The following ANKAR variants were observed in gnomAD, a reference collection of about 807,000 sequenced individuals.
The protein encoded by ANKAR is ankyrin and armadillo repeat-containing protein.
ANKAR carries 136 observed loss-of-function variants against 146.2 expected under a neutral mutation model. The observed-to-expected ratio is 0.93, with a 90% CI of 0.81 to 1.07. The LOEUF is 1.07. ANKAR is among the 50% of genes least tolerant of loss of function. The probability of loss-of-function intolerance (pLI) is 0.00; values close to 1 mark genes in which losing one functional copy is unlikely to be tolerated. For synonymous variants in ANKAR, 500 were observed against 575.8 expected, an observed-to-expected ratio of 0.87 and a Z score of 1.88; for missense variants, 1,567 against 1,679.9, an observed-to-expected ratio of 0.93 and a Z score of 1.18.
At chr2:189,688,477 T>C (rs916642555) in intron 2 of ANKAR, among the ~76,000 whole-genome samples, 5 of 152,194 alleles carry the variant, frequency 3.3e-5, no homozygotes, top group Admixed American at 3.3e-4. Flanking sequence ...TAGGATTATT[T>C]TTTCTATTTC....
chr2:189,753,568 A>C (rs2045626514), intron 18 of ANKAR, among the ~76,000 whole-genome samples: 1 of 149,064 alleles, frequency 6.7e-6, no homozygotes, highest in African/African-American at 2.6e-5. Flanking sequence ...TTAAAAAAAC[A>C]AACAAACAAA....
chr2:189,693,530 A>G (rs749304019), intron 5 of ANKAR, among the ~76,000 whole-genome samples: 2 of 152,204 alleles, frequency 1.3e-5, no homozygotes, highest in Admixed American at 1.3e-4. Flanking sequence ...AAATATGGGA[A>G]GTAGAGCTCA....
chr2:189,686,794 G>T (rs1426843821), intron 2 of ANKAR, among the ~76,000 whole-genome samples: 1 of 151,088 alleles, frequency 6.6e-6, no homozygotes, highest in Non-Finnish European at 1.5e-5. Context: ...AGAATCATGA[G>T]ATTTATAAAT....
In ANKAR at chr2:189,695,026, A is replaced by T. The variant is rs780237969; in HGVS notation, c.1353A>T (p.Leu451=). 1.3e-5 allele frequency: 21 copies of T among 1,608,288 alleles called. No individual in the cohort carries two copies. The highest frequency in any genetic ancestry group is 1.8e-5 in the Non-Finnish European group (21 of 1,177,150). ...AACTAGAAACTTTCTATCAGCAACT[A>T]TATAAGACACAGTGGTGGGGAGCCA... The part of the protein sequence containing the change: ...YFELETFYQQ[L]YKTQWWGAIN... Residue 451 remains leucine (L), a synonymous_variant, in exon 6 of 23, where the codon CTA becomes CTT. Coordinates refer to ENST00000684021, the MANE Select transcript of ANKAR (RefSeq NM_001378068.1).
At chr2:189,720,842 A>G (rs1336763239) in intron 12 of ANKAR, 55 bp downstream of exon 12, 3 of 1,341,450 alleles carry the variant, frequency 2.2e-6, no homozygotes, top group Non-Finnish European at 2.9e-6. Context: ...AAGTGAAGCA[A>G]ACATGGGATT....
At chr2:189,746,268 TTC>T (rs1286686646) in intron 22 of ANKAR, 110 bp from the exon 23 acceptor site, 21 of 1,285,666 alleles carry the variant, frequency 1.6e-5, no homozygotes, top group Non-Finnish European at 2.1e-5. Context: ...TACTGATCTG[TTC>T]TCTTAGTATG....
chr2:189,762,546 A>G (rs1308545144), downstream of ANKAR: 3 of 968,370 alleles, frequency 3.1e-6, no homozygotes, highest in African/African-American at 1.8e-5. Context: ...TCGGGCCAAG[A>G]AAGCTGCAGG....
At chr2:189,681,464 C>T (rs2034654869) in intron 2 of ANKAR, among the ~76,000 whole-genome samples, 1 of 152,194 alleles carries the variant, frequency 6.6e-6, no homozygotes, top group Non-Finnish European at 1.5e-5. Context: ...GATTCCCTTG[C>T]AATGGTGCAC....
At position 189,696,349 on chromosome 2, in the gene ANKAR, G is replaced by C. The variant is rs190755713; in HGVS notation, c.1688G>C (p.Arg563Pro). ...GCTAACTTCAAGGTCAACCAGAGGC[G>C]CTTTGTTACGTTCAGCCAAGGTACC... ...CNANFKVNQR[R>P]FVTFSQGPTP... The change falls in exon 7 of 23, where the codon CGC (arginine) becomes CCC (proline). Residue 563 changes from arginine (R) to proline (P), a missense_variant. By Grantham distance (103) the Arg-to-Pro change is moderately radical. Transcript: ENST00000684021. The C allele has an allele frequency of 1.9e-6, 3 of 1,613,344 alleles. No individual in the cohort carries two copies. The highest frequency in any genetic ancestry group is 1.7e-5 in the Admixed American group (1 of 59,908).
At chr2:189,707,947 C>T (rs1242727601) in intron 9 of ANKAR, among the ~76,000 whole-genome samples, 1 of 152,172 alleles carries the variant, frequency 6.6e-6, no homozygotes, top group East Asian at 1.9e-4. Context: ...TGAGAACTGA[C>T]AGTGCCCGTT....
intron 16 of ANKAR, among the ~76,000 whole-genome samples, chr2:189,731,376 C>CT (rs71023714): frequency 0.95 from 130,404 of 137,352 alleles, 62,072 homozygotes; most frequent in South Asian, 0.98. Flanking sequence ...TTTCTTTTTT[C>CT]TTTTTTTTTT....
At chr2:189,710,862 G>A (rs574369405) in intron 9 of ANKAR, among the ~76,000 whole-genome samples, 187 bp from the exon 10 acceptor site, 15 of 152,222 alleles carry the variant, frequency 9.9e-5, no homozygotes, top group African/African-American at 3.1e-4. Context: ...CAAAGATCAC[G>A]GGCTGATGGA....
intron 18 of ANKAR, among the ~76,000 whole-genome samples, chr2:189,753,319 T>G (rs2045583069): frequency 6.6e-6 from 1 of 152,182 alleles, no homozygotes; most frequent in African/African-American, 2.4e-5. Context: ...AAATTATTCT[T>G]TGATATCCAT....
At chr2:189,736,203 C>T (rs562413598) in intron 17 of ANKAR, among the ~76,000 whole-genome samples, 33 of 152,292 alleles carry the variant, frequency 2.2e-4, no homozygotes, top group Non-Finnish European at 3.1e-4. Context: ...TTAATAGCCA[C>T]TTTATAATCT....
intron 7 of ANKAR, among the ~76,000 whole-genome samples, chr2:189,697,581 A>G (rs1181539836): frequency 6.6e-6 from 1 of 152,200 alleles, no homozygotes; most frequent in East Asian, 1.9e-4. Context: ...AAAATATTCA[A>G]TACATAATAC....
At chr2:189,691,348 G>A (rs1305499570) in intron 3 of ANKAR, among the ~76,000 whole-genome samples, 5 of 152,148 alleles carry the variant, frequency 3.3e-5, no homozygotes, top group African/African-American at 7.2e-5. Flanking sequence ...GAGCCGCCGC[G>A]CCCGGGAGAG....
At chr2:189,677,239 C>G (rs2033861598) in intron 2 of ANKAR, 148 bp downstream of exon 2, 1 of 633,062 alleles carries the variant, frequency 1.6e-6, no homozygotes, top group Non-Finnish European at 2.4e-6. Context: ...GCATGAGCCG[C>G]TGCACCTGGC....
chr2:189,759,530 G>A (rs143414784), intron 18 of ANKAR, among the ~76,000 whole-genome samples: 9 of 152,292 alleles, frequency 5.9e-5, no homozygotes, highest in Non-Finnish European at 1.2e-4. Context: ...GATTACAGGC[G>A]TGAGCCACAG....
rs778733427 is a variant in ANKAR, at chr2:189,692,262, G to A, written c.1047G>A (p.Lys349=). The A allele has an allele frequency of 3.7e-6, 6 of 1,610,358 alleles. No homozygotes were observed. The South Asian group carries it at 4.4e-5, about 12-fold the overall frequency. ...SSLLQPFSDD[K]VKTERELPPF... is the part of the protein sequence containing the mutation. ...TTGTTTTCATTTTTGGAGATGACAA[G>A]GTCAAGACAGAGCGAGAATTGCCTC... The change falls in exon 4 of 23, where the codon AAG becomes AAA. Residue 349 remains lysine, a synonymous_variant. Coordinates refer to ENST00000684021, the MANE Select transcript of ANKAR (RefSeq NM_001378068.1).
Sources: allele counts gnomAD v4.1 joint callset (sites outside exome capture counted in the v4.1 genomes callset), GRCh38; gene constraint gnomAD v4.1.1; transcripts MANE v1.5; gene names NCBI Gene and HGNC (gene_info 2026-07-23, HGNC 2026-07-21).